The following ANKS1B variants were observed in gnomAD, a reference collection of about 807,000 sequenced individuals.
ANKS1B encodes ankyrin repeat and sterile alpha motif domain containing 1B.
ANKS1B carries 36 observed loss-of-function variants against 148.3 expected under a neutral mutation model. That is an observed-to-expected ratio of 0.24 (90% CI 0.19 to 0.32). The LOEUF is 0.32. Ranked by LOEUF, ANKS1B falls within the 10% of genes least tolerant of loss-of-function variation. ANKS1B has a pLI of 1.00. For synonymous variants in ANKS1B, 542 were observed against 560.8 expected (o/e 0.97, Z 0.47); for missense variants, 1,157 against 1,542.6 (o/e 0.75, Z 4.19).
chr12:98,991,125 A>G (rs550784803), intron 17 of ANKS1B, among the ~76,000 whole-genome samples: 2 of 152,342 alleles, frequency 1.3e-5, no homozygotes, highest in East Asian at 3.9e-4. Context: ...GAACACTGAC[A>G]TGTGTGACTT....
At chr12:99,451,520 C>A (rs1408876948) in intron 10 of ANKS1B, among the ~76,000 whole-genome samples, 2 of 152,030 alleles carry the variant, frequency 1.3e-5, no homozygotes, top group East Asian at 3.8e-4. Context: ...CTGGGAAGGG[C>A]GTTCCATGAG....
intron 12 of ANKS1B, among the ~76,000 whole-genome samples, chr12:99,277,893 A>T (rs1361027434): frequency 6.6e-6 from 1 of 152,184 alleles, no homozygotes; most frequent in Non-Finnish European, 1.5e-5. Context: ...TGAACAATAG[A>T]TATTTGTCTT....
chr12:99,362,609 T>C (rs1295153687), intron 12 of ANKS1B, among the ~76,000 whole-genome samples: 1 of 152,060 alleles, frequency 6.6e-6, no homozygotes, highest in Non-Finnish European at 1.5e-5. Flanking sequence ...AAACAAGAAC[T>C]TGAATTTTTT....
chr12:99,939,771 A>G (rs1355946981), intron 1 of ANKS1B, among the ~76,000 whole-genome samples: 2 of 152,202 alleles, frequency 1.3e-5, no homozygotes, highest in Non-Finnish European at 2.9e-5. Context: ...TCAGTTAGTT[A>G]CGTGTTATAA....
chr12:99,086,936 G>T (rs2052069192), intron 15 of ANKS1B, among the ~76,000 whole-genome samples: 1 of 152,134 alleles, frequency 6.6e-6, no homozygotes, highest in Non-Finnish European at 1.5e-5. Context: ...GGTGATTCTG[G>T]GGCATGGAGA....
chr12:99,473,078 T>C (rs12305637), intron 10 of ANKS1B, among the ~76,000 whole-genome samples: 6,738 of 152,104 alleles, frequency 0.044, 497 homozygotes, highest in African/African-American at 0.16. Flanking sequence ...TATTTCCATG[T>C]TGCCTTCATG....
chr12:99,342,355 T>C (rs1013755791), intron 12 of ANKS1B, among the ~76,000 whole-genome samples: 6 of 151,886 alleles, frequency 4.0e-5, no homozygotes, highest in Non-Finnish European at 7.4e-5. Flanking sequence ...TGTAGGCACA[T>C]GGAATAAATA....
At chr12:99,820,857 C>A (rs895161940) in intron 2 of ANKS1B, among the ~76,000 whole-genome samples, 11 of 151,802 alleles carry the variant, frequency 7.2e-5, no homozygotes, top group African/African-American at 1.7e-4. Context: ...AGACTTAGAA[C>A]CAGAACACTT....
At chr12:98,866,224 G>A (rs1286873419) in intron 17 of ANKS1B, among the ~76,000 whole-genome samples, 1 of 152,122 alleles carries the variant, frequency 6.6e-6, no homozygotes, top group Non-Finnish European at 1.5e-5. Flanking sequence ...CATGTTGCTC[G>A]AGCAGTCACA....
At chr12:98,783,199 G>A (rs150960126) in intron 22 of ANKS1B, among the ~76,000 whole-genome samples, 149 of 152,316 alleles carry the variant, frequency 9.8e-4, no homozygotes, top group African/African-American at 3.5e-3. Context: ...TTCAGCAATC[G>A]AGTTGTTACT....
chr12:99,000,458 G>A (rs921071452), intron 17 of ANKS1B, among the ~76,000 whole-genome samples: 4 of 151,868 alleles, frequency 2.6e-5, no homozygotes, highest in African/African-American at 7.3e-5. Flanking sequence ...TAGTAGAGAC[G>A]GGGTTTCACC....
chr12:99,842,459 A>AG, intron 1 of ANKS1B, among the ~76,000 whole-genome samples: 1 of 152,268 alleles, frequency 6.6e-6, no homozygotes, highest in Admixed American at 6.5e-5. Flanking sequence ...CTTGTAAAAT[A>AG]GCAAGAGCTC....
At chr12:99,514,307 A>G (rs968065916) in intron 9 of ANKS1B, among the ~76,000 whole-genome samples, 8 of 152,066 alleles carry the variant, frequency 5.3e-5, no homozygotes, top group Non-Finnish European at 1.0e-4. Context: ...TAGGGGCAAG[A>G]ACCATGATAA....
intron 17 of ANKS1B, among the ~76,000 whole-genome samples, chr12:98,964,293 A>T (rs1407784259): frequency 6.6e-6 from 1 of 152,196 alleles, no homozygotes; most frequent in Admixed American, 6.5e-5. Flanking sequence ...AAAGACAGGC[A>T]ATAACAAATG....
chr12:99,178,962 T>C (rs764844656), intron 14 of ANKS1B, among the ~76,000 whole-genome samples: 5 of 152,146 alleles, frequency 3.3e-5, no homozygotes, highest in Non-Finnish European at 7.3e-5. Flanking sequence ...AATAATGCTT[T>C]AGCATGATAA....
chr12:99,451,824 TAC>T (rs1228311959), intron 10 of ANKS1B, among the ~76,000 whole-genome samples: 4 of 152,050 alleles, frequency 2.6e-5, no homozygotes, highest in African/African-American at 9.7e-5. Flanking sequence ...TGTGTGTGAA[TAC>T]ATTGCCTGAC....
In ANKS1B at chr12:98,831,733, G is replaced by T. The variant is rs567112828; in HGVS notation, c.2886+296C>A. On this transcript the variant is annotated intron_variant, in intron 18 of 26. Transcript: ENST00000683438. ...ATTGCTTCAGTTGTATAAAGTGCAC[G>T]TTTATAAAACCTATAAAACTACATA... 13 of 310,058 alleles carry T rather than the reference G, an allele frequency of 4.2e-5. No homozygotes were observed. The South Asian group carries it at 5.1e-4, about 12-fold the overall frequency. 19.2% of individuals were successfully genotyped at this position (310,058 alleles called of 1,614,324 possible). A position where few individuals can be genotyped will look rare whatever the true frequency, so the allele number is the denominator to read the frequency against.
At chr12:98,826,506 C>T (rs201419) in intron 19 of ANKS1B, among the ~76,000 whole-genome samples, 42,348 of 152,008 alleles carry the variant, frequency 0.28, 7,621 homozygotes, top group East Asian at 0.64. Context: ...TTGCGGCCAC[C>T]AAGAACTTAA....
At chr12:99,958,322 G>C (rs1291412121) in intron 1 of ANKS1B, among the ~76,000 whole-genome samples, 1 of 152,166 alleles carries the variant, frequency 6.6e-6, no homozygotes, top group African/African-American at 2.4e-5. Context: ...AAGGCCTCAA[G>C]TGATGTGCCA....
Sources: allele counts gnomAD v4.1 joint callset (sites outside exome capture counted in the v4.1 genomes callset), GRCh38; gene constraint gnomAD v4.1.1; transcripts MANE v1.5; gene names NCBI Gene and HGNC (gene_info 2026-07-23, HGNC 2026-07-21).